Variants in TTC7B observed in about 807,000 individuals in gnomAD.
TTC7B encodes the protein tetratricopeptide repeat protein 7B.
A neutral mutation model predicts 106.8 loss-of-function variants in TTC7B; 28 were observed. The observed-to-expected ratio is 0.26, with a 90% CI of 0.19 to 0.36. The LOEUF is 0.36. Among genes scored for constraint, TTC7B ranks in the 10% least tolerant of loss-of-function variants. TTC7B has a pLI of 1.00. For synonymous variants in TTC7B, 405 were observed against 430.6 expected, an observed-to-expected ratio of 0.94 and a Z score of 0.74; for missense variants, 862 against 1,076.4, an observed-to-expected ratio of 0.80 and a Z score of 2.79.
chr14:90,555,601 C>T (rs1353981941), intron 19 of TTC7B, among the ~76,000 whole-genome samples: 13 of 152,350 alleles, frequency 8.5e-5, no homozygotes, highest in Admixed American at 3.3e-4. Context: ...CGCCATTCTG[C>T]CGACTGTGTC....
At chr14:90,810,609 A>G (rs928126435) in intron 1 of TTC7B, among the ~76,000 whole-genome samples, 4 of 152,252 alleles carry the variant, frequency 2.6e-5, no homozygotes, top group African/African-American at 9.6e-5. Flanking sequence ...CCTTAAGGAA[A>G]AGTGTAACTG....
intron 15 of TTC7B, among the ~76,000 whole-genome samples, chr14:90,625,839 T>C (rs1397456542): frequency 1.3e-5 from 2 of 152,272 alleles, no homozygotes; most frequent in Non-Finnish European, 2.9e-5. Flanking sequence ...TCATCTGGCT[T>C]ACCCAATTGC....
rs955372811 is a variant in TTC7B at position 90,759,294 on chromosome 14, G to A, written c.446-14372C>T. Among the ~76,000 whole-genome samples the A allele has an allele frequency of 1.6e-4, 25 of 152,140 alleles. No individual in the cohort carries two copies. The highest frequency in any genetic ancestry group is 2.1e-4 in the Non-Finnish European group (14 of 68,038). On this transcript the variant is annotated intron_variant, in intron 3 of 19. Transcript: ENST00000328459. This position sits in a 1 kb window ranked among gnomAD's most constrained non-coding sequence, Gnocchi z 4.1. ...TTCCCAAAGCATCACGAACATTTGG[G>A]AGAAGAAAATGAACACCAGACATGG...
At position 90,753,553 on chromosome 14, in the gene TTC7B, GC is replaced by G. The variant is rs201317129; in HGVS notation, c.446-8632del. On this transcript the variant is annotated intron_variant, in intron 3 of 19. Transcript: ENST00000328459. ...AGACTTAGCTCAATAGGAGGACAAG[GC>G]CCTGTGCAGGGGTGTAGAGGGGAGG... 9.3e-4 allele frequency among the ~76,000 whole-genome samples: 142 copies of G among 152,348 alleles called. 1 individual carries two copies. In the East Asian group the frequency reaches 0.025, roughly 27 times the overall value.
rs530623437 is a variant in TTC7B at position 90,742,079 on chromosome 14, CTTTTT to C, written c.576+2708_576+2712del. Among the ~76,000 whole-genome samples the C allele has an allele frequency of 2.0e-5, 3 of 148,854 alleles. No individual in the cohort carries two copies. The highest frequency in any genetic ancestry group is 7.4e-5 in the African/African-American group (3 of 40,558). ...TGGTCAAATAAAACATATTTATTGA[CTTTTT>C]TTTTTAAGTGCAGTGGTACAATCAT... On this transcript the variant is annotated intron_variant, in intron 4 of 19. Transcript: ENST00000328459. This position sits in a 1 kb window ranked among gnomAD's most constrained non-coding sequence, Gnocchi z 4.1.
chr14:90,607,506 A>G (rs1024425546), intron 17 of TTC7B, among the ~76,000 whole-genome samples: 1 of 152,222 alleles, frequency 6.6e-6, no homozygotes, highest in Admixed American at 6.5e-5. Flanking sequence ...CTTCTGTTTC[A>G]CTGGGAACCA....
At chr14:90,661,365 G>C (rs554892863) in intron 9 of TTC7B, among the ~76,000 whole-genome samples, 8 of 152,316 alleles carry the variant, frequency 5.3e-5, no homozygotes, top group African/African-American at 1.9e-4. Flanking sequence ...GGAGCACAGC[G>C]GGGAGGCAGA....
intron 19 of TTC7B, among the ~76,000 whole-genome samples, chr14:90,547,600 G>A (rs529572492): frequency 2.4e-4 from 37 of 152,296 alleles, no homozygotes; most frequent in African/African-American, 7.2e-4. Flanking sequence ...GTTCGAGACC[G>A]ACCTGGGCAA....
chr14:90,586,088 A>G (rs146341327), intron 18 of TTC7B, among the ~76,000 whole-genome samples: 1 of 152,332 alleles, frequency 6.6e-6, no homozygotes, highest in Non-Finnish European at 1.5e-5. Flanking sequence ...TAGCTTGCCC[A>G]GGTATTACTG....
chr14:90,744,158 C>T (rs1018613198), intron 4 of TTC7B, among the ~76,000 whole-genome samples: 1 of 152,232 alleles, frequency 6.6e-6, no homozygotes, highest in African/African-American at 2.4e-5. Context: ...AGAGTCCATA[C>T]AAGTACAAAT....
intron 19 of TTC7B, among the ~76,000 whole-genome samples, chr14:90,544,410 C>T (rs2045543066): frequency 1.3e-5 from 2 of 152,214 alleles, no homozygotes; most frequent in Non-Finnish European, 2.9e-5. Flanking sequence ...AGCCACACCT[C>T]ATGACTCCTG....
intron 4 of TTC7B, among the ~76,000 whole-genome samples, chr14:90,731,111 A>G (rs1244202398): frequency 1.3e-5 from 2 of 149,808 alleles, no homozygotes; most frequent in East Asian, 2.0e-4. Flanking sequence ...ACACTTAGCT[A>G]ATTTTTTTTT....
intron 3 of TTC7B, among the ~76,000 whole-genome samples, chr14:90,769,554 C>T (rs1209558522): frequency 6.6e-6 from 1 of 152,024 alleles, no homozygotes; most frequent in African/African-American, 2.4e-5. Flanking sequence ...TTGCTTAAGC[C>T]CAGGAATTCA....
intron 5 of TTC7B, among the ~76,000 whole-genome samples, chr14:90,708,877 A>G (rs1888319752): frequency 1.3e-5 from 2 of 152,082 alleles, no homozygotes; most frequent in African/African-American, 2.4e-5. Flanking sequence ...TGGGTGAAGG[A>G]TATGAACAGA....
intron 6 of TTC7B, among the ~76,000 whole-genome samples, chr14:90,694,536 A>C (rs2139944270): frequency 6.6e-6 from 1 of 150,820 alleles, no homozygotes; most frequent in South Asian, 2.1e-4. Context: ...CACAGAAGTG[A>C]AAGGGCTTGC....
rs1378223979 is a variant in TTC7B, at chr14:90,533,970, C to T, written c.*7398G>A. 1 of 152,356 alleles carries T rather than the reference C, an allele frequency of 6.6e-6. No individual in the cohort carries two copies. The allele number at this position is 152,356 out of a possible 1,614,324, so 9.4% of individuals were successfully genotyped here. ...CCTCGTGTCCCCTACCTGGCACACA[C>T]CACCTCTGACAGCTGCCTGCAGACT... On this transcript the variant is annotated 3_prime_UTR_variant, in exon 20 of 20. Transcript: ENST00000328459.
In TTC7B at chr14:90,617,862, A is replaced by C. The variant is rs974164103; in HGVS notation, c.1868+67T>G. On this transcript the variant is annotated intron_variant, in intron 16 of 19. Transcript: ENST00000328459. ...AGTTAATGCCTGCTAAATGCCAATCAGAGAAGGCACTGATAGGCAGGGACC... is the reference window on the plus strand; with the variant it reads ...AGTTAATGCCTGCTAAATGCCAATCCGAGAAGGCACTGATAGGCAGGGACC... 1.0e-5 allele frequency: 13 copies of C among 1,254,012 alleles called. No individual in the cohort carries two copies. The African/African-American group carries it at 1.3e-4, about 13-fold the overall frequency. 77.7% of individuals were successfully genotyped at this position (1,254,012 alleles called of 1,614,324 possible).
intron 4 of TTC7B, among the ~76,000 whole-genome samples, chr14:90,736,421 A>G (rs1889530405): frequency 6.6e-6 from 1 of 152,086 alleles, no homozygotes; most frequent in Non-Finnish European, 1.5e-5. Flanking sequence ...AAATACAAAA[A>G]AATAACTGGG....
At position 90,578,308 on chromosome 14, in the gene TTC7B, G is replaced by T. The variant is rs1891346437; in HGVS notation, c.2108C>A (p.Ala703Asp). 6.2e-7 allele frequency: 1 copy of T among 1,613,544 alleles called. No homozygotes were observed. The highest frequency in any genetic ancestry group is 1.3e-5 in the African/African-American group (1 of 75,062). Reference protein sequence around the residue: ...MTLAQIWLHAAEVYIGIGKPA... With the variant: ...MTLAQIWLHADEVYIGIGKPA... ...CTTCCCGATGCCGATATAGACTTCA[G>T]CTGTGAGGAGACAGCAACGGCACAT... Residue 703 changes from alanine (A) to aspartate (D), a missense_variant and splice_region_variant, in exon 19 of 20, where the codon GCT becomes GAT. By Grantham distance (126) the Ala-to-Asp change is moderately radical (BLOSUM62 -2). Transcript: ENST00000328459. This position sits in a 1 kb window ranked among gnomAD's most constrained non-coding sequence, Gnocchi z 4.7.
Sources: allele counts gnomAD v4.1 joint callset (sites outside exome capture counted in the v4.1 genomes callset), GRCh38; gene constraint gnomAD v4.1.1; non-coding constraint Gnocchi (gnomAD v3.1); transcripts MANE v1.5; gene names NCBI Gene and HGNC (gene_info 2026-07-23, HGNC 2026-07-21).